SINHCAF: variants seen among roughly 807,000 people sequenced by gnomAD.
The protein encoded by SINHCAF is SIN3-HDAC complex-associated factor.
A neutral mutation model predicts 25.8 loss-of-function variants in SINHCAF; 3 were observed. The ratio of observed to expected loss-of-function variants is 0.12; its 90% confidence interval spans 0.05 to 0.30. The LOEUF (loss-of-function observed/expected upper bound fraction) is 0.30. Among genes scored for constraint, SINHCAF ranks in the 10% least tolerant of loss-of-function variants. The pLI is 1.00. For synonymous variants in SINHCAF, 70 were observed against 85.5 expected (o/e 0.82, Z 1.00); for missense variants, 121 against 262.3 (o/e 0.46, Z 3.72).
At position 31,292,703 on chromosome 12, in the gene SINHCAF, C is replaced by T. The variant is rs562446542; in HGVS notation, c.355+1102G>A. ...AGTTTAAATCACCTCTTTGTGCCTC[C>T]TATTCTGAGCTCTAAGATGGAAATA... On this transcript the variant is annotated intron_variant, in intron 4 of 5. Transcript: ENST00000337682. Among the ~76,000 whole-genome samples the T allele has an allele frequency of 2.0e-3, 306 of 152,194 alleles. 2 individuals carry two copies. Among genetic ancestry groups the T allele is most frequent in the African/African-American group, 6.7e-3 (279 of 41,528 alleles).
At chr12:31,320,012 G>A (rs1451203032) in intron 1 of SINHCAF, among the ~76,000 whole-genome samples, 1 of 152,112 alleles carries the variant, frequency 6.6e-6, no homozygotes, top group African/African-American at 2.4e-5. Flanking sequence ...TAGAAATTCT[G>A]TTTCTTCCTT....
intron 4 of SINHCAF, among the ~76,000 whole-genome samples, chr12:31,292,027 C>T (rs1196388722): frequency 6.6e-6 from 1 of 152,210 alleles, no homozygotes. Context: ...CTAACTACTA[C>T]ACAGCACAGT....
At chr12:31,314,697 C>T (rs1939430727) in intron 1 of SINHCAF, among the ~76,000 whole-genome samples, 1 of 152,088 alleles carries the variant, frequency 6.6e-6, no homozygotes, top group South Asian at 2.1e-4. Flanking sequence ...TCATCCTACC[C>T]ACTTTTGCTA....
Position 31,281,845 on chromosome 12 carries a change from T to C in SINHCAF, c.*867A>G, listed in dbSNP as rs1007823719. ...ATGAAGGGAGGCACAGGATGCAACA[T>C]ATATAGTCAAGTTACCTCTCTGTAT... On this transcript the variant is annotated 3_prime_UTR_variant, in exon 6 of 6. Transcript: ENST00000337682. 3 of 152,234 alleles carry C rather than the reference T, an allele frequency of 2.0e-5. No homozygotes were observed. The highest frequency in any genetic ancestry group is 3.8e-4 in the East Asian group (2 of 5,202). 9.4% of individuals were successfully genotyped at this position (152,234 alleles called of 1,614,324 possible).
At chr12:31,303,293 C>T (rs1435998850) in intron 1 of SINHCAF, 1 of 897,720 alleles carries the variant, frequency 1.1e-6, no homozygotes. Context: ...TACTTCATGT[C>T]CTTTTGTCCT....
At chr12:31,298,327 T>C (rs1472919989) in intron 1 of SINHCAF, 103 bp from the exon 2 acceptor site, 4 of 1,382,340 alleles carry the variant, frequency 2.9e-6, no homozygotes, top group Admixed American at 1.7e-5. Context: ...CTTGGTGTTA[T>C]ATGACCAAGA....
At chr12:31,314,377 A>T (rs142374935) in intron 1 of SINHCAF, among the ~76,000 whole-genome samples, 5 of 151,944 alleles carry the variant, frequency 3.3e-5, no homozygotes, top group African/African-American at 1.2e-4. Context: ...ACAAAAAAAA[A>T]TAGCCGGGCG....
Position 31,308,498 on chromosome 12 carries a change from A to G in SINHCAF, c.-20-10274T>C, listed in dbSNP as rs536692998. On this transcript the variant is annotated intron_variant, in intron 1 of 5. Coordinates refer to ENST00000337682, the MANE Select transcript of SINHCAF (RefSeq NM_001135812.2). The stretch of plus-strand genomic sequence containing the variant: ...CTTTGGCTGACATAACATGTGCCAC[A>G]TGTTTGACTTGAGAAAGACAAAATT... Among the ~76,000 whole-genome samples, 309 of 152,328 alleles carry G rather than the reference A, an allele frequency of 2.0e-3. 1 individual carries two copies. The highest frequency in any genetic ancestry group is 7.0e-3 in the African/African-American group (293 of 41,572).
At chr12:31,283,609 A>C (rs1937901983) in intron 5 of SINHCAF, among the ~76,000 whole-genome samples, 1 of 152,062 alleles carries the variant, frequency 6.6e-6, no homozygotes, top group Admixed American at 6.6e-5. Context: ...TCTCAAAAAA[A>C]AACAAAAAAG....
At chr12:31,305,027 T>C (rs138359576) in intron 1 of SINHCAF, 1 of 152,354 alleles carries the variant, frequency 6.6e-6, no homozygotes, top group East Asian at 1.9e-4. Flanking sequence ...CACTCAGATG[T>C]TGTCAACTTC....
chr12:31,320,411 T>C (rs1418045754), intron 1 of SINHCAF, among the ~76,000 whole-genome samples: 1 of 152,212 alleles, frequency 6.6e-6, no homozygotes, highest in Non-Finnish European at 1.5e-5. Flanking sequence ...ATACCTTTAT[T>C]AGAACACCTA....
In SINHCAF at chr12:31,324,043, T is replaced by C. The variant is rs1172144364; in HGVS notation, c.-21+1981A>G. 4.4e-6 allele frequency: 2 copies of C among 454,676 alleles called. No individual in the cohort carries two copies. The highest frequency in any genetic ancestry group is 7.0e-5 in the East Asian group (1 of 14,364). The allele number at this position is 454,676 out of a possible 1,614,324, so 28.2% of individuals were successfully genotyped here. On this transcript the variant is annotated intron_variant, in intron 1 of 5. Transcript: ENST00000337682. The surrounding 1 kb of genome is among the most constrained non-coding windows in gnomAD (Gnocchi z 5.5). The stretch of plus-strand genomic sequence containing the variant: ...GCTCCCTGGTGGATTTGTTGGTAAA[T>C]AAGACATCTCGCGTCGGGAGGAAAG...
At chr12:31,294,318 TAG>T (rs1938458276) in intron 3 of SINHCAF, among the ~76,000 whole-genome samples, 1 of 152,108 alleles carries the variant, frequency 6.6e-6, no homozygotes, top group Non-Finnish European at 1.5e-5. Context: ...AAGCAAAAAA[TAG>T]AGCTACTTTT....
intron 4 of SINHCAF, among the ~76,000 whole-genome samples, chr12:31,292,505 A>C (rs1397651842): frequency 6.6e-6 from 1 of 152,122 alleles, no homozygotes; most frequent in African/African-American, 2.4e-5. Context: ...TTTCAAAAAA[A>C]AAAAAGAAAT....
intron 1 of SINHCAF, among the ~76,000 whole-genome samples, chr12:31,314,442 C>T (rs941355360): frequency 4.6e-5 from 7 of 152,118 alleles, no homozygotes; most frequent in African/African-American, 1.4e-4. Flanking sequence ...AGAAGAATGG[C>T]GCGAACCCGG....
intron 2 of SINHCAF, 75 bp from the exon 3 acceptor site, chr12:31,295,408 G>GA (rs1214697659): frequency 8.5e-6 from 8 of 945,074 alleles, no homozygotes; most frequent in Non-Finnish European, 1.2e-5. Context: ...TTCTTTTGGG[G>GA]AAAAAACTGT....
rs931854045 is a variant in SINHCAF, at chr12:31,280,767, G to A, written c.*1945C>T. 4 of 152,384 alleles carry A rather than the reference G, an allele frequency of 2.6e-5. No homozygotes were observed. The highest frequency in any genetic ancestry group is 9.7e-5 in the African/African-American group (4 of 41,412). The allele number at this position is 152,384 out of a possible 1,614,324, so 9.4% of individuals were successfully genotyped here. On this transcript the variant is annotated 3_prime_UTR_variant, in exon 6 of 6. Coordinates refer to ENST00000337682, the MANE Select transcript of SINHCAF (RefSeq NM_001135812.2). The stretch of plus-strand genomic sequence containing the variant: ...GTGGAAGGGGAAAAAGAAGACTGTG[G>A]TTGAGGTCTAGTAATAAATAAATAA...
intron 1 of SINHCAF, among the ~76,000 whole-genome samples, chr12:31,300,481 G>A (rs983142333): frequency 6.6e-6 from 1 of 152,062 alleles, no homozygotes; most frequent in Non-Finnish European, 1.5e-5. Flanking sequence ...TAAATGCTTG[G>A]GAATTTGATG....
chr12:31,309,511 T>C (rs990148059), intron 1 of SINHCAF, among the ~76,000 whole-genome samples: 8 of 152,282 alleles, frequency 5.3e-5, no homozygotes, highest in Middle Eastern at 6.8e-3. Flanking sequence ...AGGTAAGAAA[T>C]AGTTTCAAGT....
Sources: gnomAD v4.1 joint callset for allele counts (sites outside exome capture counted in the v4.1 genomes callset) on GRCh38, gnomAD v4.1.1 for gene constraint, Gnocchi (gnomAD v3.1) non-coding constraint, MANE v1.5 for transcripts, NCBI Gene and HGNC (gene_info 2026-07-23, HGNC 2026-07-21) for gene names.